Variants in CTNND2 observed in about 807,000 individuals in gnomAD.
CTNND2 encodes the protein catenin delta 2.
A neutral mutation model predicts 144.4 loss-of-function variants in CTNND2; 22 were observed. The ratio of observed to expected loss-of-function variants is 0.15; its 90% CI spans 0.11 to 0.22. The LOEUF (loss-of-function observed/expected upper bound fraction) is 0.22, where lower values mean the gene tolerates loss of function less well. Ranked by LOEUF, CTNND2 falls within the 10% of genes least tolerant of loss-of-function variation. The pLI is 1.00. For missense variants in CTNND2, 1,353 were observed against 1,618.8 expected (o/e 0.84, Z 2.82); for synonymous variants, 751 against 695.6 (o/e 1.08, Z -1.25).
chr5:11,381,281 C>G (rs1758454627), intron 7 of CTNND2, among the ~76,000 whole-genome samples: 1 of 152,172 alleles, frequency 6.6e-6, no homozygotes, highest in South Asian at 2.1e-4. Context: ...CAAATGGCAG[C>G]CGAAGTAACC....
chr5:11,304,952 C>CCTTG (rs70949314), intron 9 of CTNND2, among the ~76,000 whole-genome samples: 35 of 151,380 alleles, frequency 2.3e-4, no homozygotes, highest in African/African-American at 7.0e-4. Context: ...TTATGTGCTT[C>CCTTG]CTTGCTTGCT....
intron 8 of CTNND2, among the ~76,000 whole-genome samples, chr5:11,360,496 C>G (rs1303544023): frequency 6.6e-6 from 1 of 152,084 alleles, no homozygotes; most frequent in Non-Finnish European, 1.5e-5. Context: ...CAGAGTCATG[C>G]CCATGAACCC....
At chr5:11,310,553 C>T (rs960345836) in intron 9 of CTNND2, among the ~76,000 whole-genome samples, 1 of 151,930 alleles carries the variant, frequency 6.6e-6, no homozygotes, top group Admixed American at 6.6e-5. Flanking sequence ...TTCTGTCAAT[C>T]CTCATTCATA....
intron 3 of CTNND2, among the ~76,000 whole-genome samples, chr5:11,493,168 TG>T (rs1230735631): frequency 1.3e-5 from 2 of 152,258 alleles, no homozygotes; most frequent in South Asian, 4.1e-4. Flanking sequence ...TGGGTTTGAA[TG>T]AGTGACCTGC....
intron 3 of CTNND2, among the ~76,000 whole-genome samples, chr5:11,559,293 G>T (rs531951562): frequency 6.6e-6 from 1 of 152,032 alleles, no homozygotes; most frequent in Non-Finnish European, 1.5e-5. Context: ...AATCAGAGAC[G>T]TTGACTTAGG....
chr5:11,080,628 G>C (rs1749450381), intron 16 of CTNND2, among the ~76,000 whole-genome samples: 1 of 152,078 alleles, frequency 6.6e-6, no homozygotes, highest in Admixed American at 6.5e-5. Flanking sequence ...ATACACAAAG[G>C]AATACTACTC....
chr5:11,181,970 ATGTGTGTGG>A lies in CTNND2; in HGVS notation c.1975+17469_1975+17477del, dbSNP rs1480356264. On this transcript the variant is annotated intron_variant, in intron 11 of 21. Coordinates refer to ENST00000304623, the MANE Select transcript of CTNND2 (RefSeq NM_001332.4). The stretch of plus-strand genomic sequence containing the variant: ...GGGGGGTGCGTGGTATCTGTGTAGT[ATGTGTGTGG>A]TGTGTGTGTAGTATGTGTGTGGTGT... 9.9e-5 allele frequency among the ~76,000 whole-genome samples: 8 copies of A among 80,918 alleles called. No individual in the cohort carries two copies. The Admixed American group carries it at 1.1e-3, about 11-fold the overall frequency. The allele number at this position is 80,918 out of a possible 152,430, so 53.1% of individuals were successfully genotyped here. A position where few individuals can be genotyped will look rare whatever the true frequency, so the allele number is the denominator to read the frequency against.
At chr5:11,692,871 G>A (rs565063427) in intron 2 of CTNND2, among the ~76,000 whole-genome samples, 1 of 152,290 alleles carries the variant, frequency 6.6e-6, no homozygotes, top group East Asian at 1.9e-4. Flanking sequence ...TAAAGTGCTG[G>A]GATTACGGGC....
intron 15 of CTNND2, among the ~76,000 whole-genome samples, chr5:11,094,907 C>T (rs913248990): frequency 3.9e-5 from 6 of 152,172 alleles, no homozygotes; most frequent in African/African-American, 1.4e-4. Flanking sequence ...TCCTATTATT[C>T]TCTACTCGCT....
At chr5:11,755,435 T>C (rs1788875994) in intron 1 of CTNND2, among the ~76,000 whole-genome samples, 3 of 151,620 alleles carry the variant, frequency 2.0e-5, no homozygotes, top group African/African-American at 4.8e-5. Context: ...GATGGTCATC[T>C]TGTAATACCT....
intron 11 of CTNND2, among the ~76,000 whole-genome samples, chr5:11,178,644 A>G (rs1760710613): frequency 6.6e-6 from 1 of 152,228 alleles, no homozygotes. Flanking sequence ...GAGAAATTTG[A>G]GATGTAAGAC....
At chr5:11,252,203 G>C (rs1434525423) in intron 9 of CTNND2, among the ~76,000 whole-genome samples, 1 of 152,156 alleles carries the variant, frequency 6.6e-6, no homozygotes, top group East Asian at 1.9e-4. Flanking sequence ...CCTTTCCCCA[G>C]ATCCTTTGTT....
At chr5:11,485,374 TGCGCGCGC>T (rs141291357) in intron 3 of CTNND2, among the ~76,000 whole-genome samples, 8 of 140,616 alleles carry the variant, frequency 5.7e-5, no homozygotes, top group African/African-American at 1.6e-4. Flanking sequence ...TGTGTGTGTG[TGCGCGCGC>T]GCGCGTGCGC....
chr5:11,070,327 G>A (rs946912646), intron 16 of CTNND2, among the ~76,000 whole-genome samples: 2 of 151,880 alleles, frequency 1.3e-5, no homozygotes, highest in African/African-American at 4.8e-5. Context: ...CAGACAGGAA[G>A]GATTTATATA....
intron 10 of CTNND2, among the ~76,000 whole-genome samples, chr5:11,222,200 TA>T (rs1157772742): frequency 3.3e-5 from 5 of 152,068 alleles, no homozygotes; most frequent in African/African-American, 9.7e-5. Context: ...GAAGACCCAT[TA>T]AAATAGAAGG....
At chr5:11,874,485 G>A (rs933640909) in intron 1 of CTNND2, among the ~76,000 whole-genome samples, 2 of 152,134 alleles carry the variant, frequency 1.3e-5, no homozygotes, top group African/African-American at 4.8e-5. Flanking sequence ...CTTGTGCACT[G>A]GAGCCATTAT....
intron 2 of CTNND2, 22 bp from the exon 3 acceptor site, chr5:11,565,078 G>C (rs1314582623): frequency 2.6e-6 from 4 of 1,542,116 alleles, no homozygotes; most frequent in South Asian, 2.2e-5. Flanking sequence ...CCATCAACAA[G>C]ATCAATTCAA....
At chr5:11,292,453 C>T (rs1436885922) in intron 9 of CTNND2, among the ~76,000 whole-genome samples, 3 of 142,144 alleles carry the variant, frequency 2.1e-5, no homozygotes, top group Non-Finnish European at 4.8e-5. Flanking sequence ...TCCCCATAAT[C>T]CCCATGTGTG....
At chr5:11,171,487 G>T (rs1194413011) in intron 11 of CTNND2, among the ~76,000 whole-genome samples, 1 of 152,120 alleles carries the variant, frequency 6.6e-6, no homozygotes, top group Non-Finnish European at 1.5e-5. Context: ...TTCTGAATGT[G>T]AACATTTATT....
Sources: gnomAD v4.1 joint callset for allele counts (sites outside exome capture counted in the v4.1 genomes callset) on GRCh38, gnomAD v4.1.1 for gene constraint, MANE v1.5 for transcripts, NCBI Gene and HGNC (gene_info 2026-07-23, HGNC 2026-07-21) for gene names.